TNS1: variants seen among roughly 807,000 people sequenced by gnomAD.
TNS1 encodes the protein tensin 1.
A neutral mutation model predicts 168.6 loss-of-function variants in TNS1; 62 were observed. The observed-to-expected ratio is 0.37, with a 90% confidence interval of 0.30 to 0.45. The LOEUF is 0.45. Ranked by LOEUF, TNS1 falls within the 20% of genes least tolerant of loss-of-function variation. TNS1 has a pLI of 1.00. For synonymous variants in TNS1, 934 were observed against 933.2 expected, an observed-to-expected ratio of 1.00 and a Z score of -0.02; for missense variants, 2,240 against 2,339.4, an observed-to-expected ratio of 0.96 and a Z score of 0.88.
intron 8 of TNS1, among the ~76,000 whole-genome samples, chr2:217,897,559 T>C (rs1952450979): frequency 6.6e-6 from 1 of 152,130 alleles, no homozygotes. Context: ...AGCACACACA[T>C]GCACACACAG....
At chr2:217,916,888 A>G (rs1314631426) in intron 4 of TNS1, among the ~76,000 whole-genome samples, 2 of 152,228 alleles carry the variant, frequency 1.3e-5, no homozygotes, top group East Asian at 1.9e-4. Flanking sequence ...ACACAGAAGG[A>G]CAGACACACC....
At chr2:217,907,605 C>A (rs1415329092) in intron 4 of TNS1, among the ~76,000 whole-genome samples, 1 of 152,184 alleles carries the variant, frequency 6.6e-6, no homozygotes, top group East Asian at 1.9e-4. Flanking sequence ...GAGGTGAGTA[C>A]CATTAATACC....
intron 9 of TNS1, 103 bp downstream of exon 9, chr2:217,894,903 A>G: frequency 8.6e-7 from 1 of 1,167,602 alleles, no homozygotes; most frequent in Non-Finnish European, 1.3e-6. Flanking sequence ...CACTCTGACA[A>G]ACTGTCACAG....
chr2:217,943,220 G>A (rs1406806250), intron 3 of TNS1, among the ~76,000 whole-genome samples: 1 of 152,194 alleles, frequency 6.6e-6, no homozygotes, highest in Non-Finnish European at 1.5e-5. Flanking sequence ...CTGCCAGTCT[G>A]TGCCCATGGG....
At chr2:217,885,622 T>C (rs2125674421) in intron 15 of TNS1, 122 bp downstream of exon 15, 4 of 980,230 alleles carry the variant, frequency 4.1e-6, no homozygotes, top group South Asian at 1.5e-5. Context: ...TGAGAGCCTA[T>C]GGTTCCAAGC....
chr2:217,902,821 G>GAATC (rs1953172154), intron 6 of TNS1, among the ~76,000 whole-genome samples: 1 of 152,180 alleles, frequency 6.6e-6, no homozygotes. Flanking sequence ...ATCCCCTGAT[G>GAATC]AATCACTGGG....
intron 13 of TNS1, 48 bp from the exon 14 acceptor site, chr2:217,886,152 C>T (rs771888299): frequency 6.3e-7 from 1 of 1,594,602 alleles, no homozygotes; most frequent in Admixed American, 1.7e-5. Flanking sequence ...AACTGGCAGG[C>T]AGGAGGGGCA....
In TNS1 at chr2:217,848,407, G is replaced by A. The variant is rs200755457; in HGVS notation, c.2110C>T (p.Arg704Trp). 23 of 1,591,782 alleles carry A rather than the reference G, an allele frequency of 1.4e-5. No individual in the cohort carries two copies. Among genetic ancestry groups the A allele is most frequent in the African/African-American group, 4.0e-5 (3 of 74,660 alleles). Residue 704 changes from arginine to tryptophan, a missense_variant, in exon 19 of 33, where the codon CGG becomes TGG. Physicochemically the swap from Arg to Trp is moderately radical, Grantham distance 101. Transcript: ENST00000682258. Reference protein sequence around the residue: ...PAHAGHTAPMRPSYSAQEGLA... With the variant: ...PAHAGHTAPMWPSYSAQEGLA... ...CCCTCCTGTGCAGAGTAGGAGGGCC[G>A]CATGGGGGCCGTGTGGCCAGCATGG...
intron 8 of TNS1, among the ~76,000 whole-genome samples, chr2:217,897,277 C>T (rs945066968): frequency 6.6e-6 from 1 of 152,198 alleles, no homozygotes; most frequent in Admixed American, 6.5e-5. Flanking sequence ...TGGGCCAGGC[C>T]GAGCCAGGTG....
At chr2:217,922,028 A>T (rs556454855) in intron 3 of TNS1, among the ~76,000 whole-genome samples, 4 of 152,326 alleles carry the variant, frequency 2.6e-5, no homozygotes, top group South Asian at 4.1e-4. Flanking sequence ...ATGAGGAGAC[A>T]CAGGGGGAAC....
intron 1 of TNS1, among the ~76,000 whole-genome samples, chr2:218,022,821 C>G (rs922527071): frequency 1.2e-4 from 18 of 151,934 alleles, no homozygotes; most frequent in African/African-American, 4.1e-4. Flanking sequence ...GGATGGGACT[C>G]CATCTGTCAG....
intron 3 of TNS1, among the ~76,000 whole-genome samples, chr2:217,950,075 A>G (rs928477595): frequency 6.6e-6 from 1 of 152,232 alleles, no homozygotes; most frequent in African/African-American, 2.4e-5. Flanking sequence ...ACCAGACACC[A>G]TCAGAAATGT....
At chr2:217,991,174 C>T (rs779396070) in intron 1 of TNS1, 118 bp from the exon 2 acceptor site, 21 of 468,644 alleles carry the variant, frequency 4.5e-5, no homozygotes, top group Non-Finnish European at 7.4e-5. Flanking sequence ...AAGAGCCCCT[C>T]AGGGTCCAGA....
chr2:217,949,937 A>G (rs966651942), intron 3 of TNS1, among the ~76,000 whole-genome samples: 5 of 152,200 alleles, frequency 3.3e-5, no homozygotes, highest in African/African-American at 1.2e-4. Context: ...TCTAAAATTT[A>G]TTGAAAACAG....
intron 18 of TNS1, among the ~76,000 whole-genome samples, chr2:217,878,117 G>A (rs950948553): frequency 6.6e-6 from 1 of 152,202 alleles, no homozygotes; most frequent in Non-Finnish European, 1.5e-5. Context: ...TCTGTGGGTC[G>A]GGCCAGGGGC....
At chr2:217,818,874 G>T in intron 23 of TNS1, 115 bp from the exon 24 acceptor site, 1 of 806,392 alleles carries the variant, frequency 1.2e-6, no homozygotes, top group Non-Finnish European at 1.9e-6. Flanking sequence ...TGGTCCCACT[G>T]GCAGTGCGGA....
chr2:217,999,713 G>A (rs1473650135), intron 1 of TNS1, among the ~76,000 whole-genome samples: 2 of 152,216 alleles, frequency 1.3e-5, no homozygotes, highest in East Asian at 1.9e-4. Context: ...CTGCATGACC[G>A]GAATTGTGCA....
At chr2:218,011,766 C>T (rs1958708524), upstream of TNS1, among the ~76,000 whole-genome samples, 1 of 152,008 alleles carries the variant, frequency 6.6e-6, no homozygotes, top group African/African-American at 2.4e-5. Context: ...GCAGTGGGGT[C>T]CAGCATTTGG....
At chr2:218,029,597 C>A (rs1344416827) in intron 1 of TNS1, among the ~76,000 whole-genome samples, 1 of 152,236 alleles carries the variant, frequency 6.6e-6, no homozygotes, top group African/African-American at 2.4e-5. Flanking sequence ...CTCAAGACCA[C>A]ACCCAGGAAT....
Sources: allele counts gnomAD v4.1 joint callset (sites outside exome capture counted in the v4.1 genomes callset), GRCh38; gene constraint gnomAD v4.1.1; transcripts MANE v1.5; gene names NCBI Gene and HGNC (gene_info 2026-07-23, HGNC 2026-07-21).